BCKDHB: variants seen among roughly 807,000 people sequenced by gnomAD.
BCKDHB encodes 2-oxoisovalerate dehydrogenase subunit beta, mitochondrial.
BCKDHB carries 41 observed loss-of-function variants against 48.5 expected under a neutral mutation model. The observed-to-expected ratio is 0.85, with a 90% CI of 0.66 to 1.10. The LOEUF is 1.10. BCKDHB is among the 50% of genes least tolerant of loss of function. The probability of loss-of-function intolerance (pLI) is 0.00; values close to 1 mark genes in which losing one functional copy is unlikely to be tolerated. For synonymous variants in BCKDHB, 201 were observed against 174.8 expected, an observed-to-expected ratio of 1.15 and a Z score of -1.18; for missense variants, 496 against 494.2, an observed-to-expected ratio of 1.00 and a Z score of -0.03.
At chr6:80,338,613 G>A (rs1769722286) in intron 9 of BCKDHB, among the ~76,000 whole-genome samples, 1 of 152,148 alleles carries the variant, frequency 6.6e-6, no homozygotes, top group Non-Finnish European at 1.5e-5. Flanking sequence ...TGTGCTATAC[G>A]GATGCTACTT....
the BCKDHB span, among the ~76,000 whole-genome samples, chr6:80,409,039 T>C: frequency 2.6e-4 from 39 of 152,188 alleles, no homozygotes; most frequent in Non-Finnish European, 5.0e-4. Context: ...TATACAGTGC[T>C]TTAAATGTGT....
chr6:80,419,146 C>A, the BCKDHB span, among the ~76,000 whole-genome samples: 5 of 152,150 alleles, frequency 3.3e-5, no homozygotes, highest in East Asian at 1.9e-4. Context: ...TGCACTCTCA[C>A]GTGCTGACAG....
the BCKDHB span, among the ~76,000 whole-genome samples, chr6:80,460,700 A>C: frequency 2.0e-5 from 3 of 152,162 alleles, no homozygotes; most frequent in South Asian, 6.2e-4. Flanking sequence ...TAAAAACCTG[A>C]TGAGCTCTAT....
the BCKDHB span, among the ~76,000 whole-genome samples, chr6:80,456,104 A>G: frequency 6.6e-6 from 1 of 151,830 alleles, no homozygotes; most frequent in Non-Finnish European, 1.5e-5. Context: ...AGTCCCAGCT[A>G]CTCGGGAGGC....
intron 1 of BCKDHB, among the ~76,000 whole-genome samples, chr6:80,110,065 A>G (rs1769334105): frequency 6.6e-6 from 1 of 152,228 alleles, no homozygotes; most frequent in Non-Finnish European, 1.5e-5. Context: ...TTGTTTTGAC[A>G]TATAAAAGGT....
At chr6:80,460,453 C>A in the BCKDHB span, among the ~76,000 whole-genome samples, 1 of 152,132 alleles carries the variant, frequency 6.6e-6, no homozygotes, top group Non-Finnish European at 1.5e-5. Context: ...GTCTGGAATA[C>A]CCCACCCTAA....
At chr6:80,350,108 GA>G (rs1220052359), downstream of BCKDHB, among the ~76,000 whole-genome samples, 1 of 151,222 alleles carries the variant, frequency 6.6e-6, no homozygotes, top group Admixed American at 6.6e-5. Context: ...GTAAATATTC[GA>G]ACTACATGGA....
At chr6:80,376,853 G>A in the BCKDHB span, among the ~76,000 whole-genome samples, 1 of 152,062 alleles carries the variant, frequency 6.6e-6, no homozygotes, top group Non-Finnish European at 1.5e-5. Context: ...AGGAATATGA[G>A]AAATATATAT....
At chr6:80,302,979 A>T (rs896585831) in intron 9 of BCKDHB, among the ~76,000 whole-genome samples, 3 of 152,116 alleles carry the variant, frequency 2.0e-5, no homozygotes, top group Non-Finnish European at 4.4e-5. Flanking sequence ...CTTAAGTGGG[A>T]TAATGATGCT....
chr6:80,306,156 C>A (rs751928130), intron 9 of BCKDHB, among the ~76,000 whole-genome samples: 3 of 152,124 alleles, frequency 2.0e-5, no homozygotes, highest in African/African-American at 7.2e-5. Context: ...CACCTTTATT[C>A]TTTTCATCAA....
intron 8 of BCKDHB, among the ~76,000 whole-genome samples, chr6:80,230,347 T>A (rs896369584): frequency 1.3e-5 from 2 of 152,080 alleles, no homozygotes; most frequent in Admixed American, 6.6e-5. Context: ...CAGGTTTTTT[T>A]AAACTACCTA....
At chr6:80,311,052 G>A (rs1768128396) in intron 9 of BCKDHB, among the ~76,000 whole-genome samples, 1 of 152,118 alleles carries the variant, frequency 6.6e-6, no homozygotes, top group South Asian at 2.1e-4. Flanking sequence ...ATCTCACATT[G>A]TGGGTGGGAC....
At chr6:80,134,549 G>C (rs1770789769) in intron 3 of BCKDHB, among the ~76,000 whole-genome samples, 1 of 152,124 alleles carries the variant, frequency 6.6e-6, no homozygotes, top group Admixed American at 6.6e-5. Context: ...GATTCTTCCA[G>C]AGCATACATT....
chr6:80,239,936 G>A (rs1776310568), intron 8 of BCKDHB, among the ~76,000 whole-genome samples: 1 of 152,094 alleles, frequency 6.6e-6, no homozygotes, highest in East Asian at 1.9e-4. Context: ...TACTTCTGAG[G>A]GCTCTGTTCT....
chr6:80,219,831 A>G (rs1202544357), intron 8 of BCKDHB, among the ~76,000 whole-genome samples: 1 of 152,020 alleles, frequency 6.6e-6, no homozygotes, highest in South Asian at 2.1e-4. Context: ...GACTTTGAAG[A>G]TAATGCTTCA....
the BCKDHB span, among the ~76,000 whole-genome samples, chr6:80,424,480 ATAT>A: frequency 7.2e-5 from 11 of 152,284 alleles, no homozygotes; most frequent in South Asian, 2.3e-3. Flanking sequence ...ACATCATTTG[ATAT>A]TATATAATTT....
intron 8 of BCKDHB, among the ~76,000 whole-genome samples, chr6:80,267,452 T>G (rs1043708683): frequency 1.3e-5 from 2 of 152,198 alleles, no homozygotes; most frequent in Middle Eastern, 3.4e-3. Flanking sequence ...AAAGCCCAGC[T>G]GGTTGCGGGG....
At chr6:80,304,859 G>A (rs1767774143) in intron 9 of BCKDHB, among the ~76,000 whole-genome samples, 1 of 152,044 alleles carries the variant, frequency 6.6e-6, no homozygotes, top group Non-Finnish European at 1.5e-5. Flanking sequence ...GTAACATTAA[G>A]TACCAGCTTA....
intron 9 of BCKDHB, among the ~76,000 whole-genome samples, chr6:80,292,542 T>G (rs543486250): frequency 6.6e-6 from 1 of 152,290 alleles, no homozygotes; most frequent in African/African-American, 2.4e-5. Flanking sequence ...GTGGGAATTA[T>G]GGAACCTACA....
Sources: allele counts gnomAD v4.1 joint callset (sites outside exome capture counted in the v4.1 genomes callset), GRCh38; gene constraint gnomAD v4.1.1; transcripts MANE v1.5; gene names NCBI Gene and HGNC (gene_info 2026-07-23, HGNC 2026-07-21).